The following MMS22L variants were observed in gnomAD, a reference collection of about 807,000 sequenced individuals.
MMS22L encodes the protein MMS22 like, DNA repair protein.
A neutral mutation model predicts 159.1 loss-of-function variants in MMS22L; 74 were observed. That is an observed-to-expected ratio of 0.47 (90% CI 0.39 to 0.56). MMS22L has a LOEUF of 0.56. Ranked by LOEUF, MMS22L falls within the 20% of genes least tolerant of loss-of-function variation. The pLI, the probability that MMS22L is intolerant of heterozygous loss-of-function variation, is 0.00. For missense variants in MMS22L, 1,351 were observed against 1,422.1 expected (o/e 0.95, Z 0.80); for synonymous variants, 517 against 506.9 (o/e 1.02, Z -0.27).
chr6:97,171,929 T>C (rs1217952711), intron 19 of MMS22L, among the ~76,000 whole-genome samples: 1 of 152,174 alleles, frequency 6.6e-6, no homozygotes, highest in Non-Finnish European at 1.5e-5. Flanking sequence ...GGCAACACTG[T>C]AGCAATATAC....
chr6:97,261,757 G>A (rs1814507134), intron 9 of MMS22L: 1 of 152,134 alleles, frequency 6.6e-6, no homozygotes, highest in South Asian at 2.1e-4. Context: ...GTAGGGAGAT[G>A]TGGGTTTAGG....
At chr6:97,278,440 T>C (rs1167905380) in intron 4 of MMS22L, among the ~76,000 whole-genome samples, 1 of 140,044 alleles carries the variant, frequency 7.1e-6, no homozygotes, top group African/African-American at 2.6e-5. Flanking sequence ...ACTATACCAA[T>C]CTAAACAAAA....
At chr6:97,182,118 C>A in intron 15 of MMS22L, 64 bp from the exon 16 acceptor site, 1 of 1,335,534 alleles carries the variant, frequency 7.5e-7, no homozygotes, top group Non-Finnish European at 1.0e-6. Context: ...GACCCACACA[C>A]CCCTGGCCAA....
chr6:97,163,166 G>A (rs1216796427), intron 21 of MMS22L, among the ~76,000 whole-genome samples: 1 of 151,902 alleles, frequency 6.6e-6, no homozygotes, highest in Non-Finnish European at 1.5e-5. Context: ...TATATTGGGC[G>A]CCAGTGGAAT....
At chr6:97,204,021 T>G (rs529908402) in intron 14 of MMS22L, among the ~76,000 whole-genome samples, 1 of 152,320 alleles carries the variant, frequency 6.6e-6, no homozygotes, top group African/African-American at 2.4e-5. Context: ...TGGCCCATAC[T>G]TTCCATGTTC....
intron 19 of MMS22L, among the ~76,000 whole-genome samples, chr6:97,169,900 C>T (rs547469569): frequency 2.6e-5 from 4 of 151,982 alleles, no homozygotes; most frequent in South Asian, 4.2e-4. Context: ...GTTTAGTTAC[C>T]GGTGATATAG....
At chr6:97,254,996 T>A (rs971211245) in intron 9 of MMS22L, among the ~76,000 whole-genome samples, 3 of 152,116 alleles carry the variant, frequency 2.0e-5, no homozygotes, top group African/African-American at 7.2e-5. Context: ...TGCTTTTTTG[T>A]TTCGCCACAC....
intron 4 of MMS22L, among the ~76,000 whole-genome samples, chr6:97,277,360 G>A (rs900646410): frequency 1.3e-5 from 2 of 152,034 alleles, no homozygotes; most frequent in Non-Finnish European, 2.9e-5. Flanking sequence ...GTTGCAGTGG[G>A]CCAAAATCAT....
intron 10 of MMS22L, among the ~76,000 whole-genome samples, chr6:97,247,140 T>A (rs1437126324): frequency 6.6e-6 from 1 of 151,906 alleles, no homozygotes; most frequent in African/African-American, 2.4e-5. Context: ...GTAAACAAAG[T>A]AACTAAAAAT....
intron 11 of MMS22L, among the ~76,000 whole-genome samples, chr6:97,235,584 G>A (rs1811309859): frequency 6.6e-6 from 1 of 152,168 alleles, no homozygotes; most frequent in Admixed American, 6.5e-5. Flanking sequence ...CGACAATGGT[G>A]AACAGGATTG....
chr6:97,184,066 A>G (rs1321347597), intron 15 of MMS22L, among the ~76,000 whole-genome samples: 1 of 152,082 alleles, frequency 6.6e-6, no homozygotes, highest in Non-Finnish European at 1.5e-5. Context: ...CCTCTCCACT[A>G]CATACAAACT....
intron 22 of MMS22L, among the ~76,000 whole-genome samples, chr6:97,155,738 A>G (rs756348130): frequency 5.3e-5 from 8 of 152,142 alleles, no homozygotes; most frequent in Non-Finnish European, 1.0e-4. Context: ...GTTGGTTCCA[A>G]GTATTGATGA....
chr6:97,164,000 A>G (rs546384291), intron 21 of MMS22L, among the ~76,000 whole-genome samples: 2 of 152,208 alleles, frequency 1.3e-5, no homozygotes, highest in African/African-American at 2.4e-5. Context: ...TGCAGGTTTA[A>G]TGGCAGGGAA....
intron 22 of MMS22L, among the ~76,000 whole-genome samples, chr6:97,153,696 G>A (rs1460177952): frequency 6.6e-6 from 1 of 151,894 alleles, no homozygotes; most frequent in African/African-American, 2.4e-5. Context: ...TAACTATTCT[G>A]GATATTTCAA....
intron 17 of MMS22L, 131 bp downstream of exon 17, chr6:97,179,277 G>C: frequency 2.8e-6 from 2 of 704,664 alleles, no homozygotes; most frequent in Non-Finnish European, 4.2e-6. Flanking sequence ...AGGAAATTAA[G>C]TTCTGCTTGT....
intron 10 of MMS22L, among the ~76,000 whole-genome samples, chr6:97,253,160 TG>T (rs1243843938): frequency 6.6e-6 from 1 of 152,196 alleles, no homozygotes; most frequent in Non-Finnish European, 1.5e-5. Context: ...CACTATATTC[TG>T]GGATCTCCTA....
At chr6:97,161,304 T>A (rs573939617) in intron 22 of MMS22L, among the ~76,000 whole-genome samples, 1 of 152,172 alleles carries the variant, frequency 6.6e-6, no homozygotes, top group African/African-American at 2.4e-5. Context: ...CTTTCCCTGA[T>A]CACACTCAGC....
rs191632090 is a variant in MMS22L, at chr6:97,235,290, T to G, written c.1183-1310A>C. 5.7e-3 allele frequency among the ~76,000 whole-genome samples: 866 copies of G among 152,280 alleles called. 4 individuals are homozygous for G. Among genetic ancestry groups the G allele is most frequent in the South Asian group, 0.013 (63 of 4,822 alleles). ...GAAATAGGTCAATGGTGCTATTTCCTGAAATGGCAAAGACTAAAGGAAGAA... is the reference window on the plus strand; with the variant it reads ...GAAATAGGTCAATGGTGCTATTTCCGGAAATGGCAAAGACTAAAGGAAGAA... On this transcript the variant is annotated intron_variant, in intron 11 of 24. Coordinates refer to ENST00000683635, the MANE Select transcript of MMS22L (RefSeq NM_001350599.2).
intron 10 of MMS22L, chr6:97,253,801 G>C (rs1582802650): frequency 6.6e-6 from 1 of 152,156 alleles, no homozygotes; most frequent in East Asian, 1.9e-4. Flanking sequence ...CTAATGATCA[G>C]CCAGGTTTGG....
Sources: gnomAD v4.1 joint callset for allele counts (sites outside exome capture counted in the v4.1 genomes callset) on GRCh38, gnomAD v4.1.1 for gene constraint, MANE v1.5 for transcripts, NCBI Gene and HGNC (gene_info 2026-07-23, HGNC 2026-07-21) for gene names.